GSTO1: variants seen among roughly 807,000 people sequenced by gnomAD.
GSTO1 encodes the protein glutathione S-transferase omega-1.
In GSTO1, 27 loss-of-function variants were observed where a neutral mutation model predicts 23.8. The observed-to-expected ratio is 1.13, with a 90% CI of 0.83 to 1.56. GSTO1 has a LOEUF of 1.56. GSTO1 is among the 40% of genes most tolerant of loss of function. GSTO1 has a pLI of 0.00. For synonymous variants in GSTO1, 105 were observed against 109.3 expected (o/e 0.96, Z 0.25); for missense variants, 255 against 285.8 (o/e 0.89, Z 0.78).
intron 2 of GSTO1, 121 bp from the exon 3 acceptor site, chr10:104,259,455 A>G (rs2011117429): frequency 1.6e-6 from 1 of 628,050 alleles, no homozygotes; most frequent in Admixed American, 2.9e-5. Flanking sequence ...AATGGAAGGA[A>G]TCTAGGCAGA....
upstream of GSTO1, chr10:104,254,674 C>T: frequency 3.5e-6 from 2 of 567,000 alleles, no homozygotes; most frequent in South Asian, 4.0e-5. Context: ...GATGACTGAG[C>T]ATTTATAACT....
At position 104,267,416 on chromosome 10, in the gene GSTO1, A is replaced by T; in HGVS notation, c.*11A>T. 1 of 1,578,626 alleles carries T rather than the reference A, an allele frequency of 6.3e-7. No homozygotes were observed. The highest frequency in any genetic ancestry group is 2.3e-5 in the East Asian group (1 of 44,390). ...GACTATGGGCTCTGAAGGGGGCAGGAGTCAGCAATAAAGCTATGTCTGATA... is the reference window on the plus strand; with the variant it reads ...GACTATGGGCTCTGAAGGGGGCAGGTGTCAGCAATAAAGCTATGTCTGATA... On this transcript the variant is annotated 3_prime_UTR_variant, in exon 6 of 6. Coordinates refer to ENST00000369713, the MANE Select transcript of GSTO1 (RefSeq NM_004832.3).
rs768364262 is a variant in GSTO1 at position 104,259,750 on chromosome 10, C to T, written c.318C>T (p.Asp106=). 5 of 1,613,880 alleles carry T rather than the reference C, an allele frequency of 3.1e-6. No homozygotes were observed. Among genetic ancestry groups the T allele is most frequent in the Admixed American group, 1.7e-5 (1 of 60,026 alleles). Residue 106 remains aspartate, a synonymous_variant, in exon 3 of 6, where the codon GAC becomes GAT. Transcript: ENST00000369713. ...CAGGGAAGAAGCTGTTGCCGGATGA[C>T]CCCTATGAGAAAGCTTGCCAGAAGA... ...AYPGKKLLPD[D]PYEKACQKMI...
rs977955369 is a variant in GSTO1 at position 104,267,180 on chromosome 10, A to T, written c.573-72A>T. 4 of 905,354 alleles carry T rather than the reference A, an allele frequency of 4.4e-6. No homozygotes were observed. In the Admixed American group the frequency reaches 9.9e-5, roughly 22 times the overall value. The allele number at this position is 905,354 out of a possible 1,614,324, so 56.1% of individuals were successfully genotyped here. A position where few individuals can be genotyped will look rare whatever the true frequency, so the allele number is the denominator to read the frequency against. On this transcript the variant is annotated intron_variant, in intron 5 of 5. Transcript: ENST00000369713. ...AAAGTGAAACTGTAGAGTAATAATT[A>T]CATATGGGAGACTCTGTGATGTCAT... is the stretch of plus-strand genomic sequence containing the variant.
At chr10:104,256,613 G>A (rs888378533) in intron 2 of GSTO1, among the ~76,000 whole-genome samples, 1 of 152,144 alleles carries the variant, frequency 6.6e-6, no homozygotes, top group Non-Finnish European at 1.5e-5. Context: ...GCTTGAGCCC[G>A]AGGAGGCTTT....
At chr10:104,257,022 A>C (rs1051158549) in intron 2 of GSTO1, among the ~76,000 whole-genome samples, 2 of 152,174 alleles carry the variant, frequency 1.3e-5, no homozygotes, top group African/African-American at 2.4e-5. Context: ...ATGTATTTAA[A>C]TCCTCAAATG....
At chr10:104,260,062 C>G (rs1445459333) in intron 3 of GSTO1, among the ~76,000 whole-genome samples, 2 of 152,176 alleles carry the variant, frequency 1.3e-5, no homozygotes, top group Non-Finnish European at 2.9e-5. Context: ...CTTTCTCTTT[C>G]AATTCTTGCT....
chr10:104,263,232 ATAAAGCAGAAAGCT>A, intron 4 of GSTO1, among the ~76,000 whole-genome samples, 155 bp downstream of exon 4: 1 of 152,364 alleles, frequency 6.6e-6, no homozygotes, highest in South Asian at 2.1e-4. Context: ...GACTGCTGTT[ATAAAGCAGAAAGCT>A]GTCCTGCTTA....
At position 104,267,372 on chromosome 10, in the gene GSTO1, G is replaced by C. The variant is rs373305518; in HGVS notation, c.693G>C (p.Gln231His). The C allele has an allele frequency of 3.1e-6, 5 of 1,613,668 alleles. No individual in the cohort carries two copies. The highest frequency in any genetic ancestry group is 1.3e-5 in the African/African-American group (1 of 74,930). ...DWQGFLELYL[Q>H]NSPEACDYGL ...AAGGTTTCCTAGAGCTCTACTTACA[G>C]AACAGCCCTGAGGCCTGTGACTATG... Residue 231 changes from glutamine (Q) to histidine (H), a missense_variant, in exon 6 of 6, where the codon CAG becomes CAC. Gln to His is a conservative substitution (Grantham distance 24). Transcript: ENST00000369713.
chr10:104,260,581 AC>A (rs1170197311), intron 3 of GSTO1, among the ~76,000 whole-genome samples: 1 of 152,362 alleles, frequency 6.6e-6, no homozygotes, highest in East Asian at 1.9e-4. Flanking sequence ...TTTGTACCTT[AC>A]TTAGCATCAA....
intron 3 of GSTO1, among the ~76,000 whole-genome samples, chr10:104,262,758 T>C (rs1453581608): frequency 6.6e-6 from 1 of 152,190 alleles, no homozygotes; most frequent in Non-Finnish European, 1.5e-5. Flanking sequence ...GTAGCTTCTG[T>C]TATTTGTAAT....
chr10:104,264,820 A>C (rs996742462), intron 4 of GSTO1, among the ~76,000 whole-genome samples: 1 of 152,198 alleles, frequency 6.6e-6, no homozygotes. Context: ...TCAAACATAA[A>C]ACCATCAAAC....
intron 2 of GSTO1, among the ~76,000 whole-genome samples, chr10:104,256,532 G>A (rs1393569355): frequency 2.0e-5 from 3 of 152,176 alleles, no homozygotes; most frequent in Non-Finnish European, 4.4e-5. Flanking sequence ...TAGAGGGGAG[G>A]AAGAGAGTGG....
upstream of GSTO1, chr10:104,254,321 T>C (rs2091590965): frequency 6.5e-6 from 1 of 154,442 alleles, no homozygotes. Context: ...GGAATTTCCT[T>C]GGGGAGGTGT....
At chr10:104,259,196 T>C (rs2011115939) in intron 2 of GSTO1, among the ~76,000 whole-genome samples, 1 of 152,200 alleles carries the variant, frequency 6.6e-6, no homozygotes, top group African/African-American at 2.4e-5. Flanking sequence ...ATATTAGCAC[T>C]CTCACGTAGA....
At chr10:104,254,812 G>T, upstream of GSTO1, 1 of 1,005,920 alleles carries the variant, frequency 9.9e-7, no homozygotes. Flanking sequence ...GCCGCCGGGG[G>T]CAGGCACTTT....
intron 2 of GSTO1, among the ~76,000 whole-genome samples, chr10:104,257,955 T>C (rs1283654363): frequency 6.6e-6 from 1 of 152,270 alleles, no homozygotes; most frequent in Non-Finnish European, 1.5e-5. Flanking sequence ...TATAGCATTT[T>C]GCTCATTTAC....
chr10:104,259,170 T>C (rs2011115746), intron 2 of GSTO1, among the ~76,000 whole-genome samples: 1 of 152,156 alleles, frequency 6.6e-6, no homozygotes, highest in South Asian at 2.1e-4. Flanking sequence ...TTAAATGAAA[T>C]CAAGTTCTCA....
In GSTO1 at chr10:104,255,153, TC is replaced by T. The variant is rs2091596152; in HGVS notation, c.35-6del. On this transcript the variant is annotated splice_polypyrimidine_tract_variant and intron_variant, in intron 1 of 5. Coordinates refer to ENST00000369713, the MANE Select transcript of GSTO1 (RefSeq NM_004832.3). ...TCTGGGCCGTAATCGCCTTCGCTTC[TC>T]CCCGGCAGGAAGCGCGCCCCCGGGG... is the stretch of plus-strand genomic sequence containing the variant. 1 of 1,604,062 alleles carries T rather than the reference TC, an allele frequency of 6.2e-7. No individual in the cohort carries two copies. The highest frequency in any genetic ancestry group is 8.5e-7 in the Non-Finnish European group (1 of 1,171,306).
Sources: allele counts gnomAD v4.1 joint callset (sites outside exome capture counted in the v4.1 genomes callset), GRCh38; gene constraint gnomAD v4.1.1; transcripts MANE v1.5; gene names NCBI Gene and HGNC (gene_info 2026-07-23, HGNC 2026-07-21).